SORCS1: variants seen among roughly 807,000 people sequenced by gnomAD.
SORCS1 encodes the protein VPS10 domain-containing receptor SorCS1.
SORCS1 carries 60 observed loss-of-function variants against 146.1 expected under a neutral mutation model. That is an observed-to-expected ratio of 0.41 (90% CI 0.33 to 0.51). SORCS1 has a LOEUF of 0.51. SORCS1 is among the 20% of genes least tolerant of loss of function. The pLI, the probability that SORCS1 is intolerant of heterozygous loss-of-function variation, is 0.21. For synonymous variants in SORCS1, 637 were observed against 584.0 expected (o/e 1.09, Z -1.31); for missense variants, 1,352 against 1,487.6 (o/e 0.91, Z 1.50).
chr10:106,870,131 ACC>A (rs2137560990), intron 2 of SORCS1, among the ~76,000 whole-genome samples: 1 of 152,314 alleles, frequency 6.6e-6, no homozygotes, highest in Non-Finnish European at 1.5e-5. Context: ...AATACGGCTA[ACC>A]AAGGTGGTGA....
Position 107,108,843 on chromosome 10 carries a change from A to G in SORCS1, c.558+55126T>C, listed in dbSNP as rs950207273. 5.9e-5 allele frequency among the ~76,000 whole-genome samples: 9 copies of G among 152,210 alleles called. 1 individual carries two copies. Among genetic ancestry groups the G allele is most frequent in the African/African-American group, 1.2e-4 (5 of 41,446 alleles). On this transcript the variant is annotated intron_variant, in intron 1 of 25. Transcript: ENST00000263054. Reference sequence around the variant, plus strand: ...ACAAATTTGTTACTTCCAAGATTCAATGAGTGTATAGGCATTGGATAAACA... The same window carrying G: ...ACAAATTTGTTACTTCCAAGATTCAGTGAGTGTATAGGCATTGGATAAACA...
chr10:106,762,813 T>C (rs1859240542), intron 4 of SORCS1, among the ~76,000 whole-genome samples: 1 of 152,104 alleles, frequency 6.6e-6, no homozygotes, highest in African/African-American at 2.4e-5. Flanking sequence ...CTCATAGAGA[T>C]AACAGAAGAT....
At chr10:106,787,604 G>C (rs1307545205) in intron 3 of SORCS1, among the ~76,000 whole-genome samples, 2 of 152,104 alleles carry the variant, frequency 1.3e-5, no homozygotes, top group African/African-American at 4.8e-5. Flanking sequence ...CACAAAATCA[G>C]CTCTCTTGAC....
At position 106,671,331 on chromosome 10, in the gene SORCS1, T is replaced by C; in HGVS notation, c.2095A>G (p.Lys699Glu). The C allele has an allele frequency of 1.2e-6, 2 of 1,614,120 alleles. No individual in the cohort carries two copies. Among genetic ancestry groups the C allele is most frequent in the East Asian group, 2.2e-5 (1 of 44,872 alleles). Reference protein sequence around the residue: ...ACIMGAKRIYKKRKSERKCMQ... With the variant: ...ACIMGAKRIYEKRKSERKCMQ... ...CACTTCCGCTCTGATTTTCGCTTCT[T>C]ATATATCCTTTTTGCTCCCATGATA... The change falls in exon 16 of 26, where the codon AAG becomes GAG. Residue 699 changes from lysine to glutamate, a missense_variant. Around this residue, in one of 3 missense-constraint regions of SORCS1, gnomAD observed 648 missense variants for 793.8 expected, o/e 0.82. Transcript: ENST00000263054.
intron 1 of SORCS1, among the ~76,000 whole-genome samples, chr10:107,139,214 G>A (rs1197329546): frequency 2.0e-5 from 3 of 152,098 alleles, no homozygotes; most frequent in Non-Finnish European, 4.4e-5. Context: ...GTAGAAAAGA[G>A]GATAAGTCAC....
At chr10:106,666,545 AATCT>A (rs1299088956) in intron 17 of SORCS1, among the ~76,000 whole-genome samples, 2 of 150,656 alleles carry the variant, frequency 1.3e-5, no homozygotes, top group African/African-American at 4.9e-5. Flanking sequence ...CTTTACAATA[AATCT>A]CTCTCTTTTT....
At chr10:106,934,519 A>G (rs1176010769) in intron 2 of SORCS1, among the ~76,000 whole-genome samples, 1 of 152,146 alleles carries the variant, frequency 6.6e-6, no homozygotes. Flanking sequence ...TTGGCCTCCC[A>G]AAGTGCTGGG....
intron 3 of SORCS1, among the ~76,000 whole-genome samples, chr10:106,790,295 T>G (rs139588086): frequency 0.013 from 1,948 of 152,276 alleles, 23 homozygotes; most frequent in African/African-American, 0.026. Context: ...TAGGTCCTGA[T>G]GCTCACCACA....
rs147885239 is a variant in SORCS1, at chr10:106,616,841, C to T, written c.2920+1308G>A. 2.0e-4 allele frequency among the ~76,000 whole-genome samples: 31 copies of T among 152,272 alleles called. No individual in the cohort carries two copies. The East Asian group carries it at 5.8e-3, about 28-fold the overall frequency. ...TGAGCATTAACAGAACCTGACTCCT[C>T]ACAGGAAAATCCAGCCCCAAATTAT... On this transcript the variant is annotated intron_variant, in intron 21 of 25. Transcript: ENST00000263054.
chr10:107,014,273 G>A (rs12260985), intron 1 of SORCS1, among the ~76,000 whole-genome samples: 8,172 of 124,568 alleles, frequency 0.066, 1,154 homozygotes, highest in African/African-American at 0.24. Flanking sequence ...AAAAAAAAAA[G>A]AAAAGAAAAA....
chr10:106,662,938 G>A (rs1021876377), intron 17 of SORCS1, among the ~76,000 whole-genome samples: 2 of 152,162 alleles, frequency 1.3e-5, no homozygotes, highest in Non-Finnish European at 2.9e-5. Flanking sequence ...ACAAGGGAGA[G>A]ATGTGGCAAT....
intron 17 of SORCS1, among the ~76,000 whole-genome samples, chr10:106,666,765 C>T (rs918375771): frequency 6.6e-6 from 1 of 151,424 alleles, no homozygotes; most frequent in African/African-American, 2.4e-5. Context: ...GGGGTTTCAC[C>T]ATGTTGGCCA....
At chr10:106,862,167 A>G (rs1451561658) in intron 2 of SORCS1, among the ~76,000 whole-genome samples, 1 of 152,210 alleles carries the variant, frequency 6.6e-6, no homozygotes, top group Non-Finnish European at 1.5e-5. Flanking sequence ...CTGAACATCT[A>G]TAGTGAAACC....
At chr10:106,813,843 CATTGGAGGCTGGG>C (rs1947603065) in intron 3 of SORCS1, among the ~76,000 whole-genome samples, 1 of 152,136 alleles carries the variant, frequency 6.6e-6, no homozygotes, top group Non-Finnish European at 1.5e-5. Context: ...TCCCTACTTA[CATTGGAGGCTGGG>C]GTGGGAGGAT....
intron 1 of SORCS1, among the ~76,000 whole-genome samples, chr10:107,006,747 G>A (rs541089908): frequency 1.3e-5 from 2 of 152,316 alleles, no homozygotes; most frequent in East Asian, 3.9e-4. Context: ...AACCTGGGAG[G>A]CGGAGCTTGC....
chr10:106,903,155 C>T (rs1262418319), intron 2 of SORCS1, among the ~76,000 whole-genome samples: 1 of 152,278 alleles, frequency 6.6e-6, no homozygotes, highest in East Asian at 1.9e-4. Context: ...ATTCATCCTC[C>T]AAATCTGGAG....
At chr10:107,143,348 G>A (rs1472246500) in intron 1 of SORCS1, among the ~76,000 whole-genome samples, 1 of 151,970 alleles carries the variant, frequency 6.6e-6, no homozygotes, top group Non-Finnish European at 1.5e-5. Flanking sequence ...TTGTTTTTGA[G>A]TCAGGGTCTG....
intron 9 of SORCS1, among the ~76,000 whole-genome samples, chr10:106,695,251 T>C (rs1853608765): frequency 6.6e-6 from 1 of 152,198 alleles, no homozygotes; most frequent in Admixed American, 6.5e-5. Context: ...GTACTAAAGG[T>C]GCTGCATAGA....
chr10:106,793,176 CT>C lies in SORCS1; in HGVS notation c.727-16485del, dbSNP rs955833957. Among the ~76,000 whole-genome samples, 21 of 152,138 alleles carry C rather than the reference CT, an allele frequency of 1.4e-4. No homozygotes were observed. In the South Asian group the frequency reaches 1.5e-3, roughly 11 times the overall value. On this transcript the variant is annotated intron_variant, in intron 3 of 25. Transcript: ENST00000263054. ...AATTTTACTAGAACACGGAAAAGCACTTTTTTTTCCTATTGCTGGAATAAGA... is the reference window on the plus strand; with the variant it reads ...AATTTTACTAGAACACGGAAAAGCACTTTTTTTCCTATTGCTGGAATAAGA...
Sources: allele counts gnomAD v4.1 joint callset (sites outside exome capture counted in the v4.1 genomes callset), GRCh38; gene constraint gnomAD v4.1.1; regional missense constraint gnomAD v4.1.1; transcripts MANE v1.5; gene names NCBI Gene and HGNC (gene_info 2026-07-23, HGNC 2026-07-21).